The following PIK3C2A variants were observed in gnomAD, a reference collection of about 807,000 sequenced individuals.
PIK3C2A encodes phosphatidylinositol-4-phosphate 3-kinase catalytic subunit type 2 alpha.
A neutral mutation model predicts 204.5 loss-of-function variants in PIK3C2A; 97 were observed. The ratio of observed to expected loss-of-function variants is 0.47; its 90% CI spans 0.40 to 0.56. The LOEUF (loss-of-function observed/expected upper bound fraction) is 0.56. Among genes scored for constraint, PIK3C2A ranks in the 20% least tolerant of loss-of-function variants. The probability of loss-of-function intolerance (pLI) is 0.00; values close to 1 mark genes in which losing one functional copy is unlikely to be tolerated. For synonymous variants in PIK3C2A, 653 were observed against 664.4 expected, an observed-to-expected ratio of 0.98 and a Z score of 0.26; for missense variants, 1,735 against 1,969.2, an observed-to-expected ratio of 0.88 and a Z score of 2.25.
chr11:17,178,113 GAAAAA>G (rs371947674), intron 1 of PIK3C2A, among the ~76,000 whole-genome samples: 1 of 119,900 alleles, frequency 8.3e-6, no homozygotes, highest in Admixed American at 1.0e-4. Context: ...AAAAAAAAAA[GAAAAA>G]AAAAATTGCA....
chr11:17,133,165 ACTTT>A lies in PIK3C2A; in HGVS notation c.2109-1131_2109-1128del, dbSNP rs1472944154. 3.3e-5 allele frequency among the ~76,000 whole-genome samples: 5 copies of A among 151,816 alleles called. No individual in the cohort carries two copies. In the South Asian group the frequency reaches 8.3e-4, roughly 25 times the overall value. Reference sequence around the variant, plus strand: ...ATTTATGTCAGCATTTTATTCACTTACTTTCTATTTTTATCACCGTTTTCTGTAT... The same window carrying A: ...ATTTATGTCAGCATTTTATTCACTTACTATTTTTATCACCGTTTTCTGTAT... On this transcript the variant is annotated intron_variant, in intron 11 of 32. Coordinates refer to ENST00000691414, the MANE Select transcript of PIK3C2A (RefSeq NM_002645.4).
At chr11:17,122,656 A>G in intron 14 of PIK3C2A, 46 bp downstream of exon 14, 4 of 876,366 alleles carry the variant, frequency 4.6e-6, no homozygotes, top group Non-Finnish European at 5.7e-6. Flanking sequence ...CATTTTATGA[A>G]GAAATTTAAA....
chr11:17,147,552 T>C lies in PIK3C2A; in HGVS notation c.1525A>G (p.Thr509Ala), dbSNP rs1453816515. The change falls in exon 6 of 33, where the codon ACC becomes GCC. Residue 509 changes from threonine to alanine, a missense_variant. Physicochemically the swap from Thr to Ala is moderately conservative, Grantham distance 58 (BLOSUM62 0). Transcript: ENST00000691414. ...AGATTTTGACACATTGCACTGAAGG[T>C]CAAGAGTTGTAGTCTAATTTCTGTG... ...WDTEIRLQLL[T>A]FSAMCQNLAR... 1.9e-6 allele frequency: 3 copies of C among 1,611,588 alleles called. No individual in the cohort carries two copies. Among genetic ancestry groups the C allele is most frequent in the Non-Finnish European group, 1.7e-6 (2 of 1,177,724 alleles).
chr11:17,138,529 A>C (rs1313750826), intron 8 of PIK3C2A, among the ~76,000 whole-genome samples: 1 of 152,020 alleles, frequency 6.6e-6, no homozygotes, highest in Non-Finnish European at 1.5e-5. Flanking sequence ...TCGGGGAGAG[A>C]CTTTATCACA....
chr11:17,202,742 G>A (rs1356629153), intron 1 of PIK3C2A, among the ~76,000 whole-genome samples: 1 of 152,236 alleles, frequency 6.6e-6, no homozygotes, highest in African/African-American at 2.4e-5. Flanking sequence ...GGAAAACAGT[G>A]TTAGCTAAGC....
At chr11:17,180,691 G>C (rs778388104) in intron 1 of PIK3C2A, among the ~76,000 whole-genome samples, 3 of 152,008 alleles carry the variant, frequency 2.0e-5, no homozygotes, top group Non-Finnish European at 2.9e-5. Context: ...ATGTGGTGGC[G>C]CACACCTGTG....
chr11:17,166,953 G>A (rs1329380902), intron 2 of PIK3C2A, among the ~76,000 whole-genome samples: 2 of 152,218 alleles, frequency 1.3e-5, no homozygotes, highest in African/African-American at 2.4e-5. Flanking sequence ...AAATTAGGGG[G>A]ACCAGTGCCT....
intron 4 of PIK3C2A, among the ~76,000 whole-genome samples, chr11:17,149,846 A>G (rs889155990): frequency 6.6e-6 from 1 of 152,240 alleles, no homozygotes; most frequent in Non-Finnish European, 1.5e-5. Context: ...ACAAAGCTAG[A>G]AAGAATGTAT....
intron 1 of PIK3C2A, among the ~76,000 whole-genome samples, chr11:17,204,990 C>A (rs1852515392): frequency 6.6e-6 from 1 of 151,928 alleles, no homozygotes; most frequent in Admixed American, 6.6e-5. Context: ...CCAGCTTGAC[C>A]AACATGGTGA....
intron 23 of PIK3C2A, among the ~76,000 whole-genome samples, chr11:17,103,561 C>A (rs973633351): frequency 2.0e-5 from 3 of 152,028 alleles, no homozygotes; most frequent in Non-Finnish European, 4.4e-5. Flanking sequence ...ATGATAACAG[C>A]AAATGTTTAT....
At chr11:17,100,108 G>T (rs1272009583) in intron 25 of PIK3C2A, 139 bp from the exon 26 acceptor site, 1 of 463,934 alleles carries the variant, frequency 2.2e-6, no homozygotes, top group Admixed American at 3.9e-5. Context: ...AGTGTATTGG[G>T]GACCTAGGTG....
intron 32 of PIK3C2A, among the ~76,000 whole-genome samples, chr11:17,090,703 A>G (rs571217339): frequency 2.6e-5 from 4 of 152,032 alleles, no homozygotes; most frequent in African/African-American, 4.8e-5. Flanking sequence ...TGTACACTGT[A>G]TAACAAATAG....
chr11:17,103,686 C>T (rs1400659721), intron 23 of PIK3C2A, among the ~76,000 whole-genome samples: 1 of 152,140 alleles, frequency 6.6e-6, no homozygotes, highest in African/African-American at 2.4e-5. Context: ...GTACTATCAT[C>T]ATAACAATTG....
In PIK3C2A at chr11:17,087,471, A is replaced by G. The variant is rs1291133402; in HGVS notation, c.*2267T>C. 6.6e-6 allele frequency: 1 copy of G among 152,230 alleles called. No homozygotes were observed. Among genetic ancestry groups the G allele is most frequent in the African/African-American group, 2.4e-5 (1 of 41,476 alleles). The allele number at this position is 152,230 out of a possible 1,614,324, so 9.4% of individuals were successfully genotyped here. A position where few individuals can be genotyped will look rare whatever the true frequency, so the allele number is the denominator to read the frequency against. On this transcript the variant is annotated 3_prime_UTR_variant, in exon 33 of 33. Transcript: ENST00000691414. ...ACTTGTTCTGAACTCTTAACTGTACAGTATTATAATATACACTTAGATATG... is the reference window on the plus strand; with the variant it reads ...ACTTGTTCTGAACTCTTAACTGTACGGTATTATAATATACACTTAGATATG...
intron 9 of PIK3C2A, among the ~76,000 whole-genome samples, chr11:17,135,677 ATGTGTGTGTGTGTGTG>A (rs35017690): frequency 6.4e-4 from 95 of 147,502 alleles, no homozygotes; most frequent in Admixed American, 1.2e-3. Flanking sequence ...AATTTCATAT[ATGTGTGTGTGTGTGTG>A]TGTGTGTGTG....
chr11:17,199,234 G>A (rs1182191616), intron 1 of PIK3C2A, among the ~76,000 whole-genome samples: 5 of 152,112 alleles, frequency 3.3e-5, no homozygotes, highest in African/African-American at 1.2e-4. Flanking sequence ...AACAAGTGGT[G>A]GCAAGGGTGT....
intron 1 of PIK3C2A, among the ~76,000 whole-genome samples, chr11:17,172,896 G>C (rs1485790516): frequency 1.3e-5 from 2 of 152,274 alleles, no homozygotes; most frequent in East Asian, 3.9e-4. Flanking sequence ...CATATTGAAG[G>C]GGGGGAAATC....
At position 17,117,557 on chromosome 11, in the gene PIK3C2A, C is replaced by T. The variant is rs781111676; in HGVS notation, c.3150G>A (p.Thr1050=). ...KRLREELLKQ[T]KLVQLLGGVA... The stretch of plus-strand genomic sequence containing the variant: ...CTCCTCCTAAAAGCTGTACAAGTTT[C>T]GTCTGTTTTAGAAGTTCTTCTCTAA... Residue 1050 remains threonine, a synonymous_variant, in exon 19 of 33, where the codon ACG becomes ACA. Coordinates refer to ENST00000691414, the MANE Select transcript of PIK3C2A (RefSeq NM_002645.4). 1.9e-5 allele frequency: 30 copies of T among 1,613,780 alleles called. No individual in the cohort carries two copies. The East Asian group carries it at 3.3e-4, about 18-fold the overall frequency.
chr11:17,150,632 G>A lies in PIK3C2A; in HGVS notation c.1193C>T (p.Thr398Ile). Residue 398 changes from threonine to isoleucine, a missense_variant, in exon 4 of 33, where the codon ACC becomes ATC. By Grantham distance (89) the Thr-to-Ile change is moderately conservative. Coordinates refer to ENST00000691414, the MANE Select transcript of PIK3C2A (RefSeq NM_002645.4). ...ITKLKTKFPY[T>I]NHRTNPGYLL... ...ATAGCCTGGGTTTGTGCGGTGATTG[G>A]TATATGGAAATTTGGTCTTCAATCT... 4 of 1,597,296 alleles carry A rather than the reference G, an allele frequency of 2.5e-6. No individual in the cohort carries two copies. Among genetic ancestry groups the A allele is most frequent in the African/African-American group, 1.4e-5 (1 of 73,688 alleles).
Sources: allele counts gnomAD v4.1 joint callset (sites outside exome capture counted in the v4.1 genomes callset), GRCh38; gene constraint gnomAD v4.1.1; transcripts MANE v1.5; gene names NCBI Gene and HGNC (gene_info 2026-07-23, HGNC 2026-07-21).